Variants in ARMC2 observed in about 807,000 individuals in gnomAD.
ARMC2 encodes armadillo repeat-containing protein 2.
In ARMC2, 67 loss-of-function variants were observed where a neutral mutation model predicts 90.3. The observed-to-expected ratio is 0.74, with a 90% confidence interval of 0.61 to 0.91. The LOEUF is 0.91. ARMC2 is among the 40% of genes least tolerant of loss of function. The pLI, the probability that ARMC2 is intolerant of heterozygous loss-of-function variation, is 0.00. For synonymous variants in ARMC2, 393 were observed against 393.0 expected, an observed-to-expected ratio of 1.00 and a Z score of 0.00; for missense variants, 920 against 1,030.9, an observed-to-expected ratio of 0.89 and a Z score of 1.47.
chr6:109,049,750 G>C, the ARMC2 span, among the ~76,000 whole-genome samples: 1 of 150,122 alleles, frequency 6.7e-6, no homozygotes, highest in Non-Finnish European at 1.5e-5. Context: ...ATATTATGTT[G>C]AAATCATTAC....
the ARMC2 span, among the ~76,000 whole-genome samples, chr6:109,023,772 T>G: frequency 0.092 from 14,016 of 152,232 alleles, 867 homozygotes; most frequent in Middle Eastern, 0.19. Flanking sequence ...CCATTTGGCA[T>G]AAACAAAATG....
At chr6:108,867,504 C>T (rs751091000) in intron 3 of ARMC2, among the ~76,000 whole-genome samples, 30 of 152,142 alleles carry the variant, frequency 2.0e-4, no homozygotes, top group African/African-American at 6.7e-4. Context: ...CAGTGGCTCA[C>T]GGCTGTAATC....
chr6:108,894,235 A>G (rs765375919), intron 5 of ARMC2, among the ~76,000 whole-genome samples: 11 of 152,184 alleles, frequency 7.2e-5, no homozygotes, highest in Non-Finnish European at 1.6e-4. Context: ...GCATAGTGGC[A>G]TGTGCCTGTA....
chr6:109,050,337 A>G, the ARMC2 span, among the ~76,000 whole-genome samples: 2 of 152,004 alleles, frequency 1.3e-5, no homozygotes, highest in African/African-American at 4.8e-5. Flanking sequence ...AGAAGCAGAG[A>G]ACACATCTCC....
Position 108,874,318 on chromosome 6 carries a change from C to G in ARMC2, c.464-1825C>G, listed in dbSNP as rs114053890. Among the ~76,000 whole-genome samples, 636 of 152,336 alleles carry G rather than the reference C, an allele frequency of 4.2e-3. 3 individuals are homozygous for G. Among genetic ancestry groups the G allele is most frequent in the African/African-American group, 0.014 (596 of 41,558 alleles). On this transcript the variant is annotated intron_variant, in intron 4 of 17. Coordinates refer to ENST00000392644, the MANE Select transcript of ARMC2 (RefSeq NM_032131.6). ...TCTAGAAGCTCCATGATGGCTGGGA[C>G]TTGTTCACCATGGCTTCACCCGTGC...
the ARMC2 span, chr6:108,987,666 T>C: frequency 8.7e-7 from 1 of 1,152,310 alleles, no homozygotes; most frequent in African/African-American, 1.5e-5. Context: ...AAGGAAGGGT[T>C]ACAAGCATTC....
intron 8 of ARMC2, among the ~76,000 whole-genome samples, chr6:108,910,253 T>C (rs974564915): frequency 5.3e-5 from 8 of 152,122 alleles, no homozygotes; most frequent in Non-Finnish European, 8.8e-5. Context: ...TGTTTGAGCC[T>C]GCTAGTTCGA....
intron 11 of ARMC2, among the ~76,000 whole-genome samples, chr6:108,932,659 G>C (rs905740725): frequency 5.3e-5 from 8 of 151,050 alleles, no homozygotes; most frequent in African/African-American, 2.0e-4. Flanking sequence ...CTCCCGAGTA[G>C]CTGGGACTAT....
intron 8 of ARMC2, among the ~76,000 whole-genome samples, chr6:108,909,621 C>T (rs548623205): frequency 1.3e-5 from 2 of 152,152 alleles, no homozygotes; most frequent in African/African-American, 2.4e-5. Flanking sequence ...CTGCAACCTC[C>T]GCCTCCCGGG....
intron 5 of ARMC2, among the ~76,000 whole-genome samples, chr6:108,887,033 G>A (rs1417621627): frequency 1.3e-5 from 2 of 151,504 alleles, no homozygotes; most frequent in Non-Finnish European, 2.9e-5. Flanking sequence ...TCAACCTCCC[G>A]AGTAGCTGGG....
intron 10 of ARMC2, among the ~76,000 whole-genome samples, chr6:108,918,681 G>A (rs2768563): frequency 0.73 from 111,002 of 151,982 alleles, 41,062 homozygotes; most frequent in Middle Eastern, 0.81. Flanking sequence ...AGCATAAGCT[G>A]GCCTCTCAGC....
intron 8 of ARMC2, among the ~76,000 whole-genome samples, chr6:108,910,121 C>T (rs570950846): frequency 3.3e-5 from 5 of 151,890 alleles, no homozygotes; most frequent in Admixed American, 2.0e-4. Flanking sequence ...TGTACTGCAC[C>T]CCTTTCTTCC....
chr6:108,907,567 G>A, intron 8 of ARMC2: 11 of 1,484,548 alleles, frequency 7.4e-6, no homozygotes, highest in Middle Eastern at 2.4e-4. Context: ...AGAGGGGCTC[G>A]GGCCAAGGTC....
At chr6:109,032,865 A>G in the ARMC2 span, among the ~76,000 whole-genome samples, 1 of 152,130 alleles carries the variant, frequency 6.6e-6, no homozygotes, top group African/African-American at 2.4e-5. Flanking sequence ...GTTTTTTAAA[A>G]AACAATTTTT....
the ARMC2 span, among the ~76,000 whole-genome samples, chr6:109,005,470 G>A: frequency 6.6e-6 from 1 of 152,070 alleles, no homozygotes; most frequent in African/African-American, 2.4e-5. Flanking sequence ...CAGCACATAG[G>A]TTTAGAAACA....
chr6:109,050,022 A>C, the ARMC2 span, among the ~76,000 whole-genome samples: 2 of 152,240 alleles, frequency 1.3e-5, no homozygotes, highest in Non-Finnish European at 2.9e-5. Context: ...CTGTAAGTAA[A>C]GGAATAACAA....
At position 108,912,332 on chromosome 6, in the gene ARMC2, C is replaced by T. The variant is rs1773523120; in HGVS notation, c.1127-3C>T. 6.3e-7 allele frequency: 1 copy of T among 1,578,312 alleles called. No individual in the cohort carries two copies. Among genetic ancestry groups the T allele is most frequent in the Non-Finnish European group, 8.6e-7 (1 of 1,160,568 alleles). ...CATTTATAATAATTAATCTTTTTGA[C>T]AGAATCATTATTGGAGGTACTAAGA... On this transcript the variant is annotated splice_region_variant and splice_polypyrimidine_tract_variant and intron_variant, in intron 9 of 17. Coordinates refer to ENST00000392644, the MANE Select transcript of ARMC2 (RefSeq NM_032131.6).
At chr6:109,022,678 T>TA in the ARMC2 span, among the ~76,000 whole-genome samples, 1 of 152,010 alleles carries the variant, frequency 6.6e-6, no homozygotes, top group Non-Finnish European at 1.5e-5. Flanking sequence ...CCTCCCAAAG[T>TA]GCTGGGATTA....
At chr6:108,987,421 G>A in the ARMC2 span, 5 of 568,330 alleles carry the variant, frequency 8.8e-6, no homozygotes, top group Middle Eastern at 2.7e-4. Context: ...GAAACTAAAG[G>A]AATCATGGCA....
Sources: allele counts gnomAD v4.1 joint callset (sites outside exome capture counted in the v4.1 genomes callset), GRCh38; gene constraint gnomAD v4.1.1; transcripts MANE v1.5; gene names NCBI Gene and HGNC (gene_info 2026-07-23, HGNC 2026-07-21).